MAGI2: variants seen among roughly 807,000 people sequenced by gnomAD.
MAGI2 encodes membrane associated guanylate kinase, WW and PDZ domain containing 2, also known as membrane-associated guanylate kinase, WW and PDZ domain-containing protein 2.
In MAGI2, 35 loss-of-function variants were observed where a neutral mutation model predicts 133.3. The ratio of observed to expected loss-of-function variants is 0.26; its 90% confidence interval spans 0.20 to 0.35. The LOEUF (loss-of-function observed/expected upper bound fraction) is 0.35, where lower values mean the gene tolerates loss of function less well. Among genes scored for constraint, MAGI2 ranks in the 10% least tolerant of loss-of-function variants. The pLI is 1.00. For synonymous variants in MAGI2, 729 were observed against 710.6 expected (o/e 1.03, Z -0.41); for missense variants, 1,636 against 1,863.4 (o/e 0.88, Z 2.25).
chr7:78,047,872 T>C (rs1811591613), intron 21 of MAGI2, among the ~76,000 whole-genome samples: 2 of 152,234 alleles, frequency 1.3e-5, no homozygotes, highest in Non-Finnish European at 2.9e-5. Context: ...ATGACTGGAT[T>C]GCCCCACTGC....
In MAGI2 at chr7:79,425,578, T is replaced by TTATATATATATA. The variant is rs10639427; in HGVS notation, c.301+27430_301+27441dup. 4.6e-5 allele frequency among the ~76,000 whole-genome samples: 6 copies of TTATATATATATA among 131,372 alleles called. No homozygotes were observed. In the South Asian group the frequency reaches 1.3e-3, roughly 29 times the overall value. The allele number at this position is 131,372 out of a possible 152,430, so 86.2% of individuals were successfully genotyped here. A position where few individuals can be genotyped will look rare whatever the true frequency, so the allele number is the denominator to read the frequency against. ...AACTGTTTTGCAGAAAATAAGGGTT[T>TTATATATATATA]TATATATATATATATATATATGTAT... On this transcript the variant is annotated intron_variant, in intron 1 of 21. Transcript: ENST00000354212.
In MAGI2 at chr7:78,195,539, T is replaced by G. The variant is rs1828644753; in HGVS notation, c.2080-476A>C. ...ACCTATGCATATCGCAACAACTTCCTACGCTTGAGCATTCAGTCGCTTTCC... is the reference window on the plus strand; with the variant it reads ...ACCTATGCATATCGCAACAACTTCCGACGCTTGAGCATTCAGTCGCTTTCC... On this transcript the variant is annotated intron_variant, in intron 11 of 21. Transcript: ENST00000354212. Among the ~76,000 whole-genome samples, 4 of 152,342 alleles carry G rather than the reference T, an allele frequency of 2.6e-5. No individual in the cohort carries two copies. The South Asian group carries it at 8.3e-4, about 32-fold the overall frequency.
chr7:79,389,860 CA>C, intron 1 of MAGI2, among the ~76,000 whole-genome samples: 1 of 152,068 alleles, frequency 6.6e-6, no homozygotes, highest in African/African-American at 2.4e-5. Context: ...CCCATGGTTC[CA>C]ATAGCTTAGA....
At chr7:79,029,842 A>G (rs1396661760) in intron 1 of MAGI2, among the ~76,000 whole-genome samples, 1 of 152,232 alleles carries the variant, frequency 6.6e-6, no homozygotes, top group East Asian at 1.9e-4. Flanking sequence ...TCCTAAACTC[A>G]CACAACAGAG....
chr7:79,336,122 A>G (rs1387820936), intron 1 of MAGI2, among the ~76,000 whole-genome samples: 1 of 152,174 alleles, frequency 6.6e-6, no homozygotes, highest in Non-Finnish European at 1.5e-5. Context: ...AGCAATAGCT[A>G]ACAACTATTG....
At chr7:79,231,912 A>T (rs1462353683) in intron 1 of MAGI2, among the ~76,000 whole-genome samples, 8 of 152,296 alleles carry the variant, frequency 5.3e-5, no homozygotes, top group African/African-American at 1.7e-4. Flanking sequence ...CCCATTCAGT[A>T]TGATGCTGGC....
intron 2 of MAGI2, among the ~76,000 whole-genome samples, chr7:78,670,267 A>T (rs552024584): frequency 2.3e-4 from 35 of 152,318 alleles, no homozygotes; most frequent in Admixed American, 2.0e-3. Context: ...AAGCATTCTT[A>T]TACACCAATA....
At chr7:78,572,125 A>T (rs542459159) in intron 3 of MAGI2, among the ~76,000 whole-genome samples, 29 of 152,188 alleles carry the variant, frequency 1.9e-4, no homozygotes, top group Non-Finnish European at 4.0e-4. Flanking sequence ...CAAATCATCG[A>T]TGGGGAAAAT....
At chr7:78,867,663 A>C (rs750834852) in intron 2 of MAGI2, among the ~76,000 whole-genome samples, 44 of 151,858 alleles carry the variant, frequency 2.9e-4, no homozygotes, top group Non-Finnish European at 5.7e-4. Flanking sequence ...CACATTGTGC[A>C]CATGTACCCT....
chr7:78,244,982 T>G (rs991663418), intron 10 of MAGI2, among the ~76,000 whole-genome samples: 5 of 152,212 alleles, frequency 3.3e-5, no homozygotes, highest in African/African-American at 1.2e-4. Context: ...GACTTTCCAT[T>G]TAAGTCAGGA....
chr7:78,687,628 C>A (rs1010504580), intron 2 of MAGI2, among the ~76,000 whole-genome samples: 1 of 152,000 alleles, frequency 6.6e-6, no homozygotes, highest in African/African-American at 2.4e-5. Flanking sequence ...CCATGACATC[C>A]AATTTTTCTG....
chr7:78,610,441 G>C (rs1287641069), intron 3 of MAGI2, among the ~76,000 whole-genome samples: 1 of 152,110 alleles, frequency 6.6e-6, no homozygotes, highest in Admixed American at 6.5e-5. Context: ...GCTTTACAGG[G>C]AACACAGTGG....
chr7:79,323,923 G>T lies in MAGI2; in HGVS notation c.301+129097C>A, dbSNP rs539047054. Among the ~76,000 whole-genome samples the T allele has an allele frequency of 2.0e-4, 30 of 152,170 alleles. No homozygotes were observed. The East Asian group carries it at 3.1e-3, about 16-fold the overall frequency. On this transcript the variant is annotated intron_variant, in intron 1 of 21. Transcript: ENST00000354212. ...GGCCTCTGCTTAACACCACCATGTG[G>T]ATCAGTTTTAAACACAAGAATGGGG...
Position 79,320,049 on chromosome 7 carries a change from AT to A in MAGI2, c.301+132970del, listed in dbSNP as rs556810679. Among the ~76,000 whole-genome samples, 185 of 152,270 alleles carry A rather than the reference AT, an allele frequency of 1.2e-3. 1 individual carries two copies. Among genetic ancestry groups the A allele is most frequent in the African/African-American group, 4.2e-3 (175 of 41,566 alleles). On this transcript the variant is annotated intron_variant, in intron 1 of 21. Coordinates refer to ENST00000354212, the MANE Select transcript of MAGI2 (RefSeq NM_012301.4). ...TTTCCTTCTTTGTGCTACTGAGGAA[AT>A]TCAGTGGTATGTCTTGGACATTCCT...
At chr7:78,508,717 G>A (rs1584441712) in intron 4 of MAGI2, among the ~76,000 whole-genome samples, 1 of 152,080 alleles carries the variant, frequency 6.6e-6, no homozygotes, top group South Asian at 2.1e-4. Context: ...AGAATTTCTG[G>A]ACTATTTAAA....
At chr7:79,013,466 T>C (rs1808383963) in intron 1 of MAGI2, among the ~76,000 whole-genome samples, 1 of 152,164 alleles carries the variant, frequency 6.6e-6, no homozygotes, top group South Asian at 2.1e-4. Flanking sequence ...GTTAATTGAT[T>C]GGATGGTGGA....
chr7:78,964,429 C>T (rs1472263890), intron 2 of MAGI2, among the ~76,000 whole-genome samples: 1 of 151,934 alleles, frequency 6.6e-6, no homozygotes, highest in African/African-American at 2.4e-5. Flanking sequence ...ACCACTAACT[C>T]GTGGTTTAAT....
At chr7:78,462,536 T>C (rs1217997778) in intron 6 of MAGI2, among the ~76,000 whole-genome samples, 2 of 152,224 alleles carry the variant, frequency 1.3e-5, no homozygotes, top group Non-Finnish European at 2.9e-5. Context: ...AGTATTATTA[T>C]AGGTATGTTG....
At chr7:79,110,222 A>G (rs1818815994) in intron 1 of MAGI2, among the ~76,000 whole-genome samples, 3 of 152,054 alleles carry the variant, frequency 2.0e-5, no homozygotes, top group Admixed American at 2.0e-4. Context: ...ATATTCTACT[A>G]AGGCAGTGTG....
Sources: gnomAD v4.1 joint callset for allele counts (sites outside exome capture counted in the v4.1 genomes callset) on GRCh38, gnomAD v4.1.1 for gene constraint, MANE v1.5 for transcripts, NCBI Gene and HGNC (gene_info 2026-07-23, HGNC 2026-07-21) for gene names.